The following MAP4K4 variants were observed in gnomAD, a reference collection of about 807,000 sequenced individuals.
MAP4K4 encodes mitogen-activated protein kinase kinase kinase kinase 4, also known as HPK/GCK-like kinase HGK.
Under a neutral mutation model 189.6 loss-of-function variants are expected in MAP4K4, and 38 were observed. That is an observed-to-expected ratio of 0.20 (90% CI 0.15 to 0.26). The LOEUF (loss-of-function observed/expected upper bound fraction) is 0.26, where lower values mean the gene tolerates loss of function less well. Among genes scored for constraint, MAP4K4 ranks in the 10% least tolerant of loss-of-function variants. MAP4K4 has a pLI of 1.00. For missense variants in MAP4K4, 1,054 were observed against 1,726.9 expected, an observed-to-expected ratio of 0.61 and a Z score of 6.91; for synonymous variants, 610 against 624.3, an observed-to-expected ratio of 0.98 and a Z score of 0.34.
chr2:101,813,671 A>G (rs2095561038), intron 3 of MAP4K4, among the ~76,000 whole-genome samples: 1 of 152,178 alleles, frequency 6.6e-6, no homozygotes, highest in South Asian at 2.1e-4. Flanking sequence ...AGGATATGGG[A>G]CACATTTTTA....
At chr2:101,721,952 T>A (rs1226434682) in intron 2 of MAP4K4, among the ~76,000 whole-genome samples, 2 of 152,176 alleles carry the variant, frequency 1.3e-5, no homozygotes, top group Admixed American at 1.3e-4. Context: ...AGCAACTTCT[T>A]TGGCTAGTTG....
chr2:101,847,650 T>C (rs2097151496), intron 12 of MAP4K4, among the ~76,000 whole-genome samples: 1 of 152,228 alleles, frequency 6.6e-6, no homozygotes, highest in Non-Finnish European at 1.5e-5. Context: ...CAGATTTATA[T>C]GAAGTGTTTG....
At chr2:101,806,066 C>G (rs2094901264) in intron 3 of MAP4K4, among the ~76,000 whole-genome samples, 1 of 152,152 alleles carries the variant, frequency 6.6e-6, no homozygotes, top group African/African-American at 2.4e-5. Context: ...ACCCACCATA[C>G]CCTGCTCCTG....
chr2:101,804,102 C>A lies in MAP4K4; in HGVS notation c.180+13326C>A, dbSNP rs560509226. ...AAGCTGCCTTCTGGTGAATGAACAG[C>A]CCGTCTGTTCTATTGTTCCACGTTA... On this transcript the variant is annotated intron_variant, in intron 3 of 32. Transcript: ENST00000324219. Among the ~76,000 whole-genome samples, 3 of 152,270 alleles carry A rather than the reference C, an allele frequency of 2.0e-5. No individual in the cohort carries two copies. In the East Asian group the frequency reaches 5.8e-4, roughly 29 times the overall value.
At chr2:101,707,863 T>A (rs1482708585) in intron 2 of MAP4K4, among the ~76,000 whole-genome samples, 1 of 151,348 alleles carries the variant, frequency 6.6e-6, no homozygotes, top group Non-Finnish European at 1.5e-5. Context: ...GCTAATTTTT[T>A]TTTTTTTTTT....
chr2:101,834,698 A>T (rs1301270353), intron 8 of MAP4K4, among the ~76,000 whole-genome samples: 1 of 152,228 alleles, frequency 6.6e-6, no homozygotes, highest in Non-Finnish European at 1.5e-5. Context: ...CTTTTATTTA[A>T]GTTGTACTCA....
chr2:101,802,447 A>T (rs1305440509), intron 3 of MAP4K4, among the ~76,000 whole-genome samples: 3 of 151,880 alleles, frequency 2.0e-5, no homozygotes, highest in African/African-American at 4.8e-5. Flanking sequence ...TTGGCCTCCC[A>T]GCCCTCCTCT....
chr2:101,821,778 TG>T (rs988099360), intron 3 of MAP4K4, among the ~76,000 whole-genome samples: 2 of 152,250 alleles, frequency 1.3e-5, no homozygotes, highest in African/African-American at 4.8e-5. Context: ...ACTAGGTTAC[TG>T]TAACTCTTAC....
At chr2:101,833,619 CAA>C (rs373529950) in intron 7 of MAP4K4, among the ~76,000 whole-genome samples, 26 of 64,608 alleles carry the variant, frequency 4.0e-4, no homozygotes, top group Non-Finnish European at 4.6e-4. Flanking sequence ...GACTCCATCT[CAA>C]AAAAAAAAAA....
At chr2:101,839,056 A>T (rs2096844762) in intron 9 of MAP4K4, among the ~76,000 whole-genome samples, 2 of 152,230 alleles carry the variant, frequency 1.3e-5, no homozygotes, top group South Asian at 2.1e-4. Flanking sequence ...AATTGGGGAC[A>T]CATAGGACAG....
At chr2:101,868,002 A>T (rs746834017) in intron 20 of MAP4K4, 27 bp from the exon 21 acceptor site, 39 of 1,612,578 alleles carry the variant, frequency 2.4e-5, no homozygotes, top group Non-Finnish European at 3.2e-5. Flanking sequence ...GGCTTCTCGG[A>T]CTCCACGAAA....
chr2:101,776,807 A>T (rs542944352), intron 2 of MAP4K4, among the ~76,000 whole-genome samples: 1 of 152,116 alleles, frequency 6.6e-6, no homozygotes, highest in African/African-American at 2.4e-5. Context: ...TGGCTATGTT[A>T]ATTGGCTTTT....
intron 3 of MAP4K4, among the ~76,000 whole-genome samples, chr2:101,811,385 A>AAGG (rs1424011977): frequency 9.2e-5 from 13 of 140,974 alleles, no homozygotes; most frequent in African/African-American, 3.7e-4. Context: ...AAAAAAAAAA[A>AAGG]AAAAAAGAAT....
chr2:101,795,236 T>C (rs2093565264), intron 3 of MAP4K4, among the ~76,000 whole-genome samples: 3 of 152,232 alleles, frequency 2.0e-5, no homozygotes, highest in African/African-American at 7.2e-5. Flanking sequence ...AATATTCTGT[T>C]CATGAGCAAC....
At chr2:101,795,515 A>G (rs952087204) in intron 3 of MAP4K4, among the ~76,000 whole-genome samples, 1 of 152,160 alleles carries the variant, frequency 6.6e-6, no homozygotes, top group African/African-American at 2.4e-5. Context: ...ATGGGTCCCC[A>G]TGGAGTCTGT....
At position 101,758,210 on chromosome 2, in the gene MAP4K4, A is replaced by G. The variant is rs560690500; in HGVS notation, c.124-32510A>G. 7.2e-5 allele frequency among the ~76,000 whole-genome samples: 11 copies of G among 152,322 alleles called. No individual in the cohort carries two copies. The South Asian group carries it at 1.9e-3, about 26-fold the overall frequency. ...TGTTGTCTGTCTTATAGTAATGAACATAGTCACAGAACCCTCTATTCTTGG... is the reference window on the plus strand; with the variant it reads ...TGTTGTCTGTCTTATAGTAATGAACGTAGTCACAGAACCCTCTATTCTTGG... On this transcript the variant is annotated intron_variant, in intron 2 of 32. Coordinates refer to ENST00000324219, the Ensembl canonical transcript of MAP4K4.
chr2:101,797,660 T>C (rs2093859952), intron 3 of MAP4K4, among the ~76,000 whole-genome samples: 1 of 151,540 alleles, frequency 6.6e-6, no homozygotes, highest in African/African-American at 2.4e-5. Flanking sequence ...CACAAGTTTA[T>C]TTATTTATTT....
intron 3 of MAP4K4, among the ~76,000 whole-genome samples, chr2:101,804,721 T>C (rs2094738653): frequency 6.6e-6 from 1 of 152,190 alleles, no homozygotes; most frequent in South Asian, 2.1e-4. Context: ...TTACTTGCCT[T>C]TGTCTATATG....
intron 27 of MAP4K4, among the ~76,000 whole-genome samples, chr2:101,879,831 C>CTTT (rs60874878): frequency 2.4e-5 from 3 of 125,000 alleles, no homozygotes; most frequent in Non-Finnish European, 1.7e-5. Context: ...TCAGCTGCTG[C>CTTT]TTTTTTTTTT....
Sources: allele counts gnomAD v4.1 joint callset (sites outside exome capture counted in the v4.1 genomes callset), GRCh38; gene constraint gnomAD v4.1.1; transcripts MANE v1.5; gene names NCBI Gene and HGNC (gene_info 2026-07-23, HGNC 2026-07-21).